Variants in ZNF169 observed in about 807,000 individuals in gnomAD.
ZNF169 encodes the protein zinc finger protein 169.
In ZNF169, 11 loss-of-function variants were observed where a neutral mutation model predicts 12.0. The observed-to-expected ratio is 0.92, with a 90% CI of 0.58 to 1.52. The LOEUF (loss-of-function observed/expected upper bound fraction) is 1.52. Among genes scored for constraint, ZNF169 ranks in the 40% most tolerant of loss-of-function variants. The pLI, the probability that ZNF169 is intolerant of heterozygous loss-of-function variation, is 0.00. For synonymous variants in ZNF169, 302 were observed against 286.5 expected (o/e 1.05, Z -0.55); for missense variants, 722 against 744.0 (o/e 0.97, Z 0.34).
chr9:94,264,976 C>A (rs769014286), intron 1 of ZNF169, among the ~76,000 whole-genome samples: 4 of 138,958 alleles, frequency 2.9e-5, no homozygotes, highest in Non-Finnish European at 4.7e-5. Context: ...TCTTTTTTTT[C>A]CAGGGTTCTT....
chr9:94,277,125 C>T lies in ZNF169; in HGVS notation c.-55-1633C>T, dbSNP rs911154984. On this transcript the variant is annotated intron_variant, in intron 1 of 4. Transcript: ENST00000395395. ...GACGGGACAACTCAAAGTAGGGGGG[C>T]GGATTCCAGGCTATAGGTAAATTTA... is the stretch of plus-strand genomic sequence containing the variant. Among the ~76,000 whole-genome samples the T allele has an allele frequency of 5.3e-5, 8 of 152,168 alleles. No homozygotes were observed. The Middle Eastern group carries it at 0.01, about 194-fold the overall frequency.
intron 4 of ZNF169, chr9:94,294,815 T>C (rs1033895590): frequency 6.6e-6 from 1 of 152,262 alleles, no homozygotes; most frequent in Non-Finnish European, 1.5e-5. Flanking sequence ...AGAAATCCCA[T>C]ATAAATTATG....
chr9:94,293,246 G>C, intron 4 of ZNF169, 177 bp downstream of exon 4: 1 of 629,408 alleles, frequency 1.6e-6, no homozygotes, highest in South Asian at 1.9e-5. Context: ...CCCCAGGACA[G>C]GGCACCCCTG....
At chr9:94,266,221 A>AACC (rs2118547540) in intron 1 of ZNF169, among the ~76,000 whole-genome samples, 1 of 152,278 alleles carries the variant, frequency 6.6e-6, no homozygotes, top group African/African-American at 2.4e-5. Flanking sequence ...TATTTAACTT[A>AACC]ACCACTCAGT....
chr9:94,262,242 A>G (rs1369074966), intron 1 of ZNF169, among the ~76,000 whole-genome samples: 1 of 152,080 alleles, frequency 6.6e-6, no homozygotes, highest in Non-Finnish European at 1.5e-5. Flanking sequence ...ACCCACCTGG[A>G]CTGTGCAACT....
chr9:94,285,379 A>G (rs3131905), intron 2 of ZNF169, among the ~76,000 whole-genome samples: 136,073 of 152,130 alleles, frequency 0.89, 61,572 homozygotes, highest in East Asian at 0.99. Context: ...TGGAAAGAAA[A>G]ATGAATAGAG....
At chr9:94,295,100 G>C (rs905424425) in intron 4 of ZNF169, 1 of 152,202 alleles carries the variant, frequency 6.6e-6, no homozygotes, top group Non-Finnish European at 1.5e-5. Flanking sequence ...GGCTGAGGTG[G>C]GTGGATCACT....
rs1831022859 is a variant in ZNF169, at chr9:94,299,961, A to G, written c.403A>G (p.Arg135Gly). ...AGGDFQLEAPRCSSEKGESGE... is the reference protein window; with the variant it reads ...AGGDFQLEAPGCSSEKGESGE... Reference sequence around the variant, plus strand: ...AGGTGACTTCCAACTAGAAGCTCCAAGATGCTCTAGTGAAAAAGGAGAAAG... The same window carrying G: ...AGGTGACTTCCAACTAGAAGCTCCAGGATGCTCTAGTGAAAAAGGAGAAAG... The change falls in exon 5 of 5, where the codon AGA (arginine) becomes GGA (glycine). Residue 135 changes from arginine to glycine, a missense_variant. Physicochemically the swap from Arg to Gly is moderately radical, Grantham distance 125. Transcript: ENST00000395395. 1.2e-6 allele frequency: 2 copies of G among 1,614,170 alleles called. No individual in the cohort carries two copies. The highest frequency in any genetic ancestry group is 1.7e-6 in the Non-Finnish European group (2 of 1,180,040).
intron 1 of ZNF169, among the ~76,000 whole-genome samples, chr9:94,270,671 T>G (rs1398249857): frequency 1.7e-5 from 1 of 59,260 alleles, no homozygotes; most frequent in East Asian, 3.2e-4. Flanking sequence ...ATATATATAC[T>G]ATATAAATAT....
chr9:94,268,621 C>T (rs12338473), intron 1 of ZNF169, among the ~76,000 whole-genome samples: 1 of 151,734 alleles, frequency 6.6e-6, no homozygotes, highest in Non-Finnish European at 1.5e-5. Context: ...AACCCCATCT[C>T]TACTAAAAAT....
At chr9:94,273,637 T>A (rs1023859018) in intron 1 of ZNF169, among the ~76,000 whole-genome samples, 1 of 147,094 alleles carries the variant, frequency 6.8e-6, no homozygotes, top group African/African-American at 2.5e-5. Flanking sequence ...TGGAGTGCAG[T>A]GGCACCATCT....
At chr9:94,273,020 A>G (rs1587673430) in intron 1 of ZNF169, among the ~76,000 whole-genome samples, 2 of 151,892 alleles carry the variant, frequency 1.3e-5, no homozygotes, top group African/African-American at 4.8e-5. Flanking sequence ...CTATTTCTAT[A>G]TCTTCTTTAG....
chr9:94,293,020 C>A lies in ZNF169; in HGVS notation c.207C>A (p.Gly69=). Residue 69 remains glycine, a synonymous_variant, in exon 4 of 5, where the codon GGC becomes GGA. Transcript: ENST00000395395. ...KPKLIEQLEQ[G]DEPWREENEH... Reference sequence around the variant, plus strand: ...AACTCATCGAACAGCTGGAGCAAGGCGACGAACCTTGGAGAGAGGAGAACG... The same window carrying A: ...AACTCATCGAACAGCTGGAGCAAGGAGACGAACCTTGGAGAGAGGAGAACG... The A allele has an allele frequency of 6.2e-7, 1 of 1,613,526 alleles. No individual in the cohort carries two copies. Among genetic ancestry groups the A allele is most frequent in the Non-Finnish European group, 8.5e-7 (1 of 1,179,782 alleles).
Position 94,301,455 on chromosome 9 carries a change from T to G in ZNF169, c.*85T>G, listed in dbSNP as rs1831077444. 2.8e-6 allele frequency: 4 copies of G among 1,442,526 alleles called. No individual in the cohort carries two copies. Among genetic ancestry groups the G allele is most frequent in the African/African-American group, 2.9e-5 (2 of 68,730 alleles). 89.4% of individuals were successfully genotyped at this position (1,442,526 alleles called of 1,614,324 possible). Reference sequence around the variant, plus strand: ...CTGAAATGGAATGGAAAAAAAAAAATGTTGCTTTCTTTCATCGATCATGAG... The same window carrying G: ...CTGAAATGGAATGGAAAAAAAAAAAGGTTGCTTTCTTTCATCGATCATGAG... On this transcript the variant is annotated 3_prime_UTR_variant, in exon 5 of 5. Coordinates refer to ENST00000395395, the MANE Select transcript of ZNF169 (RefSeq NM_194320.4).
Position 94,301,144 on chromosome 9 carries a change from T to G in ZNF169, c.1586T>G (p.Leu529Arg). The G allele has an allele frequency of 6.2e-7, 1 of 1,614,242 alleles. No individual in the cohort carries two copies. Among genetic ancestry groups the G allele is most frequent in the Non-Finnish European group, 8.5e-7 (1 of 1,180,044 alleles). The change falls in exon 5 of 5, where the codon CTT becomes CGT. Residue 529 changes from leucine to arginine, a missense_variant. Transcript: ENST00000395395. ...CAAGGACTTGGCCAGAAGTCACACC[T>G]TATCTCTGACCAAAGGACACACTCA... The part of the protein sequence containing the change: ...CGQGLGQKSH[L>R]ISDQRTHSGE...
intron 1 of ZNF169, among the ~76,000 whole-genome samples, chr9:94,270,800 A>AT (rs1210879853): frequency 3.1e-4 from 9 of 29,310 alleles, no homozygotes; most frequent in East Asian, 6.1e-3. Context: ...TATAAATAAT[A>AT]TATATATTAT....
chr9:94,267,430 T>A (rs546668561), intron 1 of ZNF169, among the ~76,000 whole-genome samples: 1 of 152,306 alleles, frequency 6.6e-6, no homozygotes, highest in African/African-American at 2.4e-5. Flanking sequence ...TTGTGTCCTG[T>A]TACAAAAGAA....
intron 1 of ZNF169, among the ~76,000 whole-genome samples, chr9:94,272,121 C>T (rs1368035207): frequency 6.6e-6 from 1 of 150,442 alleles, no homozygotes; most frequent in Non-Finnish European, 1.5e-5. Flanking sequence ...TAATAAGAAT[C>T]TCTTATTGTC....
intron 1 of ZNF169, among the ~76,000 whole-genome samples, chr9:94,274,889 T>A (rs1240772517): frequency 1.3e-5 from 2 of 152,090 alleles, no homozygotes; most frequent in African/African-American, 4.8e-5. Context: ...GAGCTGTGGC[T>A]TGCTGCTGCT....
Sources: gnomAD v4.1 joint callset for allele counts (sites outside exome capture counted in the v4.1 genomes callset) on GRCh38, gnomAD v4.1.1 for gene constraint, MANE v1.5 for transcripts, NCBI Gene and HGNC (gene_info 2026-07-23, HGNC 2026-07-21) for gene names.